Variants in DNAH3 observed in about 807,000 individuals in gnomAD.
The protein encoded by DNAH3 is dynein axonemal heavy chain 3.
In DNAH3, 332 loss-of-function variants were observed where a neutral mutation model predicts 432.5. That is an observed-to-expected ratio of 0.77 (90% CI 0.70 to 0.84). DNAH3 has a LOEUF of 0.84. DNAH3 is among the 40% of genes least tolerant of loss of function. The pLI is 0.00. For missense variants in DNAH3, 4,861 were observed against 5,114.0 expected (o/e 0.95, Z 1.51); for synonymous variants, 1,956 against 1,900.2 (o/e 1.03, Z -0.76).
intron 42 of DNAH3, among the ~76,000 whole-genome samples, chr16:21,001,150 A>C (rs936781625): frequency 2.0e-5 from 3 of 152,150 alleles, no homozygotes; most frequent in Admixed American, 2.0e-4. Context: ...TGCCTTTTCC[A>C]ATATGGGGAT....
intron 19 of DNAH3, among the ~76,000 whole-genome samples, chr16:21,086,617 G>A (rs1351700231): frequency 4.6e-5 from 7 of 152,188 alleles, no homozygotes; most frequent in Non-Finnish European, 7.3e-5. Context: ...AACACTCAAC[G>A]AACCACGACC....
exon 53 of DNAH3, chr16:20,965,342 T>C: frequency 6.2e-7 from 1 of 1,600,398 alleles, no homozygotes; most frequent in Non-Finnish European, 8.5e-7. Context: ...ATGTTGTCTT[T>C]GTCATATGTC....
chr16:20,985,120 A>C (rs371409367), exon 48 of DNAH3: 3 of 1,614,022 alleles, frequency 1.9e-6, no homozygotes, highest in Non-Finnish European at 2.5e-6. Flanking sequence ...AGTGACTTCA[A>C]CCTTCTCTCC....
exon 51 of DNAH3, chr16:20,975,258 G>GCAA (rs747572811): frequency 1.5e-5 from 25 of 1,613,692 alleles, no homozygotes; most frequent in Non-Finnish European, 1.4e-5. Flanking sequence ...AATGGCAGCA[G>GCAA]CAACATTGGC....
chr16:20,993,390 A>G (rs2086636815), intron 44 of DNAH3, among the ~76,000 whole-genome samples: 1 of 152,168 alleles, frequency 6.6e-6, no homozygotes, highest in African/African-American at 2.4e-5. Context: ...CAGTCTCTCC[A>G]CAGTCATTTT....
chr16:21,148,785 G>GCA (rs904230799), intron 1 of DNAH3, among the ~76,000 whole-genome samples: 2 of 152,118 alleles, frequency 1.3e-5, no homozygotes, highest in African/African-American at 4.8e-5. Flanking sequence ...AACACATGGG[G>GCA]CACACACAAC....
At chr16:21,116,990 C>T (rs2092218579) in intron 12 of DNAH3, among the ~76,000 whole-genome samples, 1 of 152,158 alleles carries the variant, frequency 6.6e-6, no homozygotes, top group South Asian at 2.1e-4. Flanking sequence ...TGAATCCTGG[C>T]TCTACTAACT....
At chr16:21,067,766 G>C (rs540735766) in intron 23 of DNAH3, among the ~76,000 whole-genome samples, 3 of 38,704 alleles carry the variant, frequency 7.8e-5, no homozygotes, top group South Asian at 1.0e-3. Flanking sequence ...TTGGGGGGGG[G>C]GGTGGGGAGG....
intron 59 of DNAH3, among the ~76,000 whole-genome samples, chr16:20,940,422 A>C (rs895825900): frequency 7.2e-5 from 11 of 151,812 alleles, no homozygotes; most frequent in African/African-American, 2.7e-4. Flanking sequence ...ATTTCAAAAG[A>C]CTATTGTGTA....
intron 1 of DNAH3, among the ~76,000 whole-genome samples, chr16:21,147,728 G>T (rs2092803171): frequency 6.6e-6 from 1 of 152,182 alleles, no homozygotes. Context: ...TCAACTTGTG[G>T]CTCCCACAAT....
chr16:21,001,239 A>C (rs1172638378), intron 42 of DNAH3, among the ~76,000 whole-genome samples: 1 of 152,148 alleles, frequency 6.6e-6, no homozygotes, highest in East Asian at 1.9e-4. Context: ...TGGAATCCCT[A>C]TTTGGACAGG....
chr16:21,121,897 C>A lies in DNAH3; in HGVS notation c.1584+48G>T. Reference sequence around the variant, plus strand: ...ACAACCTCTTTCAATACATTTTATTCACTAAGTGAAAAAATCATGCAAATG... The same window carrying A: ...ACAACCTCTTTCAATACATTTTATTAACTAAGTGAAAAAATCATGCAAATG... On this transcript the variant is annotated intron_variant, in intron 10 of 61. Transcript: ENST00000261383. The A allele has an allele frequency of 2.6e-6, 4 of 1,513,008 alleles. No individual in the cohort carries two copies. In the South Asian group the frequency reaches 3.8e-5, roughly 15 times the overall value. The allele number at this position is 1,513,008 out of a possible 1,614,324, so 93.7% of individuals were successfully genotyped here. A position where few individuals can be genotyped will look rare whatever the true frequency, so the allele number is the denominator to read the frequency against.
chr16:21,117,469 T>C (rs2092232711), intron 11 of DNAH3, 130 bp from the exon 12 acceptor site: 2 of 668,084 alleles, frequency 3.0e-6, no homozygotes, highest in Middle Eastern at 2.4e-4. Flanking sequence ...TCCTCTTAGA[T>C]AGTGCTGGAA....
chr16:20,979,231 T>G, intron 50 of DNAH3, 99 bp downstream of exon 50: 1 of 1,060,874 alleles, frequency 9.4e-7, no homozygotes, highest in Non-Finnish European at 1.4e-6. Context: ...ACATTCTGCT[T>G]GATCTGGTGT....
intron 31 of DNAH3, among the ~76,000 whole-genome samples, chr16:21,046,710 CT>C (rs1352064843): frequency 1.3e-5 from 2 of 151,496 alleles, no homozygotes; most frequent in Non-Finnish European, 2.9e-5. Flanking sequence ...GAATTTGATC[CT>C]GTCATGATGA....
intron 52 of DNAH3, among the ~76,000 whole-genome samples, chr16:20,969,088 G>C (rs566313422): frequency 0.019 from 253 of 13,332 alleles, 4 homozygotes; most frequent in East Asian, 0.15. Context: ...TTCTTTCTCT[G>C]TGTGTGTGTG....
At chr16:20,964,270 A>T in exon 53 of DNAH3, 2 of 1,614,186 alleles carry the variant, frequency 1.2e-6, no homozygotes, top group South Asian at 2.2e-5. Flanking sequence ...GATGCCAAGG[A>T]GTTGATCTTG....
At chr16:21,061,674 T>C (rs540847725) in intron 25 of DNAH3, among the ~76,000 whole-genome samples, 1 of 152,362 alleles carries the variant, frequency 6.6e-6, no homozygotes, top group South Asian at 2.1e-4. Context: ...TCTCAAACTT[T>C]GCTGTTCCTT....
chr16:21,138,393 G>C (rs934156314), intron 5 of DNAH3, among the ~76,000 whole-genome samples: 3 of 152,176 alleles, frequency 2.0e-5, no homozygotes, highest in African/African-American at 7.2e-5. Flanking sequence ...TGCAGGGTGG[G>C]GGTAAAAAGT....
Sources: allele counts gnomAD v4.1 joint callset (sites outside exome capture counted in the v4.1 genomes callset), GRCh38; gene constraint gnomAD v4.1.1; transcripts MANE v1.5; gene names NCBI Gene and HGNC (gene_info 2026-07-23, HGNC 2026-07-21).